SYN2: variants seen among roughly 807,000 people sequenced by gnomAD.
The protein encoded by SYN2 is synapsin II, also known as synapsin-2.
A neutral mutation model predicts 50.9 loss-of-function variants in SYN2; 19 were observed. That is an observed-to-expected ratio of 0.37 (90% CI 0.26 to 0.55). The LOEUF (loss-of-function observed/expected upper bound fraction) is 0.55, where lower values mean the gene tolerates loss of function less well. Ranked by LOEUF, SYN2 falls within the 20% of genes least tolerant of loss-of-function variation. The probability of loss-of-function intolerance (pLI) is 0.81; values close to 1 mark genes in which losing one functional copy is unlikely to be tolerated. For synonymous variants in SYN2, 255 were observed against 224.9 expected (o/e 1.13, Z -1.20); for missense variants, 587 against 576.4 (o/e 1.02, Z -0.19).
chr3:12,132,668 C>T (rs1559433062), intron 1 of SYN2, among the ~76,000 whole-genome samples: 1 of 152,190 alleles, frequency 6.6e-6, no homozygotes, highest in Non-Finnish European at 1.5e-5. Flanking sequence ...TTCATCATGT[C>T]ACTTTTGTCC....
intron 1 of SYN2, among the ~76,000 whole-genome samples, chr3:12,012,477 A>G (rs1298433795): frequency 6.6e-6 from 1 of 152,178 alleles, no homozygotes; most frequent in Non-Finnish European, 1.5e-5. Flanking sequence ...CTTTCTTAAC[A>G]TTCTTCCCTA....
chr3:12,089,224 G>T (rs897437518), intron 1 of SYN2, among the ~76,000 whole-genome samples: 2 of 152,168 alleles, frequency 1.3e-5, no homozygotes, highest in African/African-American at 4.8e-5. Flanking sequence ...CATGGCTGGG[G>T]AGGCCTCACA....
intron 1 of SYN2, among the ~76,000 whole-genome samples, chr3:12,104,027 A>G (rs1471280809): frequency 2.0e-5 from 3 of 152,222 alleles, no homozygotes; most frequent in Non-Finnish European, 4.4e-5. Context: ...TCAGGCAAAC[A>G]CTAAACATAA....
rs913311124 is a variant in SYN2, at chr3:12,163,101, A to G, written c.980+947A>G. On this transcript the variant is annotated intron_variant, in intron 7 of 12. Coordinates refer to ENST00000621198, the MANE Select transcript of SYN2 (RefSeq NM_133625.6). ...TAAAAAATACAAAGAAATTAGCCAG[A>G]CGTGGTGGTGGGCGCCTCTAGTCCC... Among the ~76,000 whole-genome samples the G allele has an allele frequency of 3.9e-5, 6 of 151,922 alleles. No individual in the cohort carries two copies. In the East Asian group the frequency reaches 7.7e-4, roughly 20 times the overall value.
At chr3:12,137,868 CT>C (rs1696931471) in intron 1 of SYN2, among the ~76,000 whole-genome samples, 3 of 152,076 alleles carry the variant, frequency 2.0e-5, no homozygotes, top group African/African-American at 7.2e-5. Flanking sequence ...GAACATTTTA[CT>C]TTTTGTTTTA....
At chr3:12,149,341 T>A (rs1697224283) in intron 4 of SYN2, among the ~76,000 whole-genome samples, 1 of 152,056 alleles carries the variant, frequency 6.6e-6, no homozygotes, top group Admixed American at 6.6e-5. Flanking sequence ...AGAGCAGAAG[T>A]CCAGCCAGGC....
At chr3:12,111,153 C>T (rs1306642708) in intron 1 of SYN2, among the ~76,000 whole-genome samples, 14 of 152,148 alleles carry the variant, frequency 9.2e-5, no homozygotes, top group Non-Finnish European at 1.5e-4. Flanking sequence ...CAGATCTTTC[C>T]TGTGCTGTTC....
At chr3:12,122,432 A>G (rs1201322427) in intron 1 of SYN2, among the ~76,000 whole-genome samples, 1 of 152,208 alleles carries the variant, frequency 6.6e-6, no homozygotes, top group African/African-American at 2.4e-5. Context: ...CTCTTGGGAT[A>G]TCTGTCTTGG....
intron 1 of SYN2, among the ~76,000 whole-genome samples, chr3:12,074,115 A>G (rs1415702725): frequency 2.0e-5 from 3 of 152,020 alleles, no homozygotes; most frequent in African/African-American, 4.8e-5. Context: ...TTCTCCATCA[A>G]TGCTTTTTGC....
chr3:12,153,474 C>T (rs755667591), intron 5 of SYN2: 2 of 1,609,138 alleles, frequency 1.2e-6, no homozygotes. Flanking sequence ...CTGGCTTGAT[C>T]TTCAGGACTC....
intron 1 of SYN2, among the ~76,000 whole-genome samples, chr3:12,117,379 T>A (rs1023986399): frequency 1.3e-5 from 2 of 152,226 alleles, no homozygotes; most frequent in Non-Finnish European, 2.9e-5. Flanking sequence ...GTACTTGGGA[T>A]TCAATGTTGA....
At chr3:12,103,427 A>G (rs1696117502) in intron 1 of SYN2, among the ~76,000 whole-genome samples, 1 of 152,206 alleles carries the variant, frequency 6.6e-6, no homozygotes, top group South Asian at 2.1e-4. Context: ...GACAATTAAA[A>G]TTCTGGATTT....
intron 10 of SYN2, among the ~76,000 whole-genome samples, chr3:12,174,312 G>A (rs1392809696): frequency 3.3e-5 from 5 of 152,014 alleles, no homozygotes; most frequent in African/African-American, 1.2e-4. Context: ...CAGAACTCTA[G>A]TTTTTCCCCT....
intron 1 of SYN2, among the ~76,000 whole-genome samples, chr3:12,137,302 C>G (rs954270886): frequency 6.6e-6 from 1 of 150,732 alleles, no homozygotes; most frequent in African/African-American, 2.4e-5. Flanking sequence ...CTATCTTATG[C>G]AAGGGACTGT....
At chr3:12,147,310 A>G (rs1697174657) in intron 4 of SYN2, among the ~76,000 whole-genome samples, 2 of 152,038 alleles carry the variant, frequency 1.3e-5, no homozygotes, top group South Asian at 4.2e-4. Context: ...TTTTGAAGCC[A>G]GGGAGAGCTT....
chr3:12,190,396 T>G, intron 12 of SYN2, 94 bp from the exon 13 acceptor site: 2 of 1,423,964 alleles, frequency 1.4e-6, no homozygotes, highest in Non-Finnish European at 2.0e-6. Context: ...AGGGAGGGAG[T>G]GGGGGTTCTA....
At chr3:12,011,508 T>G (rs761391176) in intron 1 of SYN2, among the ~76,000 whole-genome samples, 16 of 152,218 alleles carry the variant, frequency 1.1e-4, no homozygotes, top group Non-Finnish European at 1.8e-4. Context: ...AATAGGAGGA[T>G]GTATATGGGC....
At chr3:12,173,330 A>G (rs1322130117) in intron 10 of SYN2, among the ~76,000 whole-genome samples, 1 of 152,196 alleles carries the variant, frequency 6.6e-6, no homozygotes, top group Non-Finnish European at 1.5e-5. Flanking sequence ...GACCAGGACT[A>G]TGGAGCTGTC....
intron 1 of SYN2, among the ~76,000 whole-genome samples, chr3:12,098,255 T>C (rs890114482): frequency 6.6e-6 from 1 of 152,136 alleles, no homozygotes; most frequent in African/African-American, 2.4e-5. Flanking sequence ...AAAAAGACTA[T>C]CAGCAAAGAA....
Sources: gnomAD v4.1 joint callset for allele counts (sites outside exome capture counted in the v4.1 genomes callset) on GRCh38, gnomAD v4.1.1 for gene constraint, MANE v1.5 for transcripts, NCBI Gene and HGNC (gene_info 2026-07-23, HGNC 2026-07-21) for gene names.